Variants in CCDC186 observed in about 807,000 individuals in gnomAD.
The protein encoded by CCDC186 is coiled-coil domain-containing protein 186.
In CCDC186, 49 loss-of-function variants were observed where a neutral mutation model predicts 113.7. The ratio of observed to expected loss-of-function variants is 0.43; its 90% confidence interval spans 0.34 to 0.55. The LOEUF is 0.55. Among genes scored for constraint, CCDC186 ranks in the 20% least tolerant of loss-of-function variants. The probability of loss-of-function intolerance (pLI) is 0.02; values close to 1 mark genes in which losing one functional copy is unlikely to be tolerated. For synonymous variants in CCDC186, 355 were observed against 345.8 expected (o/e 1.03, Z -0.30); for missense variants, 890 against 1,011.1 (o/e 0.88, Z 1.62).
chr10:114,144,389 T>C, intron 6 of CCDC186, 108 bp downstream of exon 6: 1 of 1,366,588 alleles, frequency 7.3e-7, no homozygotes, highest in East Asian at 2.4e-5. Flanking sequence ...CTCTTAAAAC[T>C]CATTCTAATC....
intron 4 of CCDC186, among the ~76,000 whole-genome samples, chr10:114,150,725 T>C (rs918663023): frequency 1.3e-5 from 2 of 152,208 alleles, no homozygotes; most frequent in African/African-American, 4.8e-5. Flanking sequence ...CTCGGCTCAC[T>C]GCAACCTCCG....
intron 10 of CCDC186, among the ~76,000 whole-genome samples, chr10:114,134,487 T>C (rs2031192567): frequency 6.6e-6 from 1 of 152,220 alleles, no homozygotes; most frequent in Admixed American, 6.5e-5. Flanking sequence ...CCAGGTTCTG[T>C]CTGGTAATGT....
chr10:114,144,703 G>T, intron 5 of CCDC186, 87 bp from the exon 6 acceptor site: 1 of 1,197,568 alleles, frequency 8.4e-7, no homozygotes, highest in Non-Finnish European at 1.2e-6. Context: ...AATCAGTCCA[G>T]TAACACTATA....
intron 7 of CCDC186, 23 bp from the exon 8 acceptor site, chr10:114,136,269 A>T: frequency 6.4e-7 from 1 of 1,569,928 alleles, no homozygotes; most frequent in Non-Finnish European, 8.7e-7. Flanking sequence ...AAACAAAAAA[A>T]GTGTGACAAT....
intron 1 of CCDC186, chr10:114,173,083 A>T (rs2032558120): frequency 2.1e-5 from 8 of 372,540 alleles, no homozygotes; most frequent in Non-Finnish European, 4.4e-5. Context: ...GTTTTGGAAG[A>T]AAAAAAAGCT....
intron 1 of CCDC186, 121 bp from the exon 2 acceptor site, chr10:114,163,450 A>G (rs1435891019): frequency 2.4e-6 from 2 of 816,402 alleles, no homozygotes; most frequent in Non-Finnish European, 3.6e-6. Context: ...AATTCCTTTA[A>G]AAGCCTGTCC....
At chr10:114,132,927 T>C (rs1194275450) in intron 10 of CCDC186, among the ~76,000 whole-genome samples, 1 of 152,134 alleles carries the variant, frequency 6.6e-6, no homozygotes, top group East Asian at 1.9e-4. Flanking sequence ...GTTAATCAAC[T>C]ACAGCTGAAA....
intron 3 of CCDC186, among the ~76,000 whole-genome samples, chr10:114,152,369 CACTTGTCAGGGGCAGACATAAACAGAA>C (rs1185128755): frequency 6.6e-6 from 1 of 151,496 alleles, no homozygotes; most frequent in African/African-American, 2.4e-5. Context: ...AAAGGGCATT[CACTTGTCAGGGGCAGACATAAACAGAA>C]ACATATTCTG....
At chr10:114,133,306 GC>G (rs1192420951) in intron 10 of CCDC186, among the ~76,000 whole-genome samples, 1 of 152,106 alleles carries the variant, frequency 6.6e-6, no homozygotes, top group African/African-American at 2.4e-5. Context: ...GCTGAGGATG[GC>G]CCCCAGCCTG....
At chr10:114,126,230 A>T (rs1382186444) in intron 14 of CCDC186, 125 bp from the exon 15 acceptor site, 3 of 692,870 alleles carry the variant, frequency 4.3e-6, no homozygotes, top group Non-Finnish European at 7.1e-6. Context: ...TAACTATATT[A>T]GAAAAGAATT....
intron 1 of CCDC186, among the ~76,000 whole-genome samples, chr10:114,165,624 A>G (rs1164190511): frequency 6.6e-6 from 1 of 152,148 alleles, no homozygotes; most frequent in Admixed American, 6.5e-5. Context: ...CGGAAGGCAG[A>G]GGTTGCAGTG....
Position 114,144,622 on chromosome 10 carries a change from A to G in CCDC186, c.1102-6T>C. Reference sequence around the variant, plus strand: ...AGTCTAGTCGTTTCGCCTTCCTAAAATAATATCACTAGGTCATATATTTTC... The same window carrying G: ...AGTCTAGTCGTTTCGCCTTCCTAAAGTAATATCACTAGGTCATATATTTTC... On this transcript the variant is annotated splice_polypyrimidine_tract_variant and splice_region_variant and intron_variant, in intron 5 of 15. Coordinates refer to ENST00000369287, the MANE Select transcript of CCDC186 (RefSeq NM_018017.4). 1.2e-6 allele frequency: 2 copies of G among 1,601,686 alleles called. No individual in the cohort carries two copies. The highest frequency in any genetic ancestry group is 1.7e-6 in the Non-Finnish European group (2 of 1,172,040).
chr10:114,137,321 G>C (rs1313411626), intron 6 of CCDC186, 31 bp from the exon 7 acceptor site: 1 of 1,538,798 alleles, frequency 6.5e-7, no homozygotes, highest in East Asian at 2.3e-5. Flanking sequence ...GACACAGTTG[G>C]GTACAGCAAC....
At chr10:114,157,492 G>C in intron 3 of CCDC186, 62 bp downstream of exon 3, 1 of 1,463,292 alleles carries the variant, frequency 6.8e-7, no homozygotes, top group African/African-American at 1.4e-5. Context: ...ACAATCGGCT[G>C]CCAGGAATGT....
intron 6 of CCDC186, among the ~76,000 whole-genome samples, chr10:114,139,819 T>C (rs2031409677): frequency 6.6e-6 from 1 of 152,174 alleles, no homozygotes; most frequent in South Asian, 2.1e-4. Context: ...AGGAACTTTA[T>C]ATATGTTTTT....
intron 15 of CCDC186, 100 bp from the exon 16 acceptor site, chr10:114,125,326 A>G (rs2030860260): frequency 3.7e-6 from 3 of 817,130 alleles, no homozygotes; most frequent in Non-Finnish European, 5.8e-6. Flanking sequence ...TTTGGAAATG[A>G]AAGAGTGGTT....
At chr10:114,152,184 T>C (rs1057073436) in intron 3 of CCDC186, among the ~76,000 whole-genome samples, 1 of 151,900 alleles carries the variant, frequency 6.6e-6, no homozygotes, top group South Asian at 2.1e-4. Flanking sequence ...CTACAAAAAA[T>C]TTTAAAAATT....
chr10:114,150,597 T>C (rs1029921819), intron 4 of CCDC186, among the ~76,000 whole-genome samples: 1 of 152,200 alleles, frequency 6.6e-6, no homozygotes, highest in Non-Finnish European at 1.5e-5. Flanking sequence ...TTTTATTCCA[T>C]ACACTTTTTT....
Position 114,134,931 on chromosome 10 carries a change from A to T in CCDC186, c.1637T>A (p.Leu546Gln). ...LLDKVKTADQ[L>Q]QEQLQRGKQE... ...TTTGTACCTTTGAAGCTGCTCCTGT[A>T]GCTGATCTGCAGTTTTCACCTTGTC... Residue 546 changes from leucine to glutamine, a missense_variant, in exon 10 of 16, where the codon CTA (leucine) becomes CAA (glutamine). By Grantham distance (113) the Leu-to-Gln change is moderately radical. Transcript: ENST00000369287. The T allele has an allele frequency of 6.2e-7, 1 of 1,611,376 alleles. No individual in the cohort carries two copies. The highest frequency in any genetic ancestry group is 8.5e-7 in the Non-Finnish European group (1 of 1,179,252).
Sources: gnomAD v4.1 joint callset for allele counts (sites outside exome capture counted in the v4.1 genomes callset) on GRCh38, gnomAD v4.1.1 for gene constraint, MANE v1.5 for transcripts, NCBI Gene and HGNC (gene_info 2026-07-23, HGNC 2026-07-21) for gene names.